The following IMMP2L variants were observed in gnomAD, a reference collection of about 807,000 sequenced individuals.
IMMP2L encodes the protein mitochondrial inner membrane protease subunit 2.
IMMP2L carries 18 observed loss-of-function variants against 19.3 expected under a neutral mutation model. That is an observed-to-expected ratio of 0.93 (90% CI 0.64 to 1.38). The LOEUF is 1.38. Among genes scored for constraint, IMMP2L ranks in the 40% most tolerant of loss-of-function variants. The pLI is 0.00. For synonymous variants in IMMP2L, 76 were observed against 73.0 expected (o/e 1.04, Z -0.21); for missense variants, 233 against 218.2 (o/e 1.07, Z -0.43).
chr7:111,415,449 T>C (rs529007296), intron 3 of IMMP2L, among the ~76,000 whole-genome samples: 3 of 151,974 alleles, frequency 2.0e-5, no homozygotes, highest in East Asian at 3.9e-4. Flanking sequence ...AATTAATTTA[T>C]ATTTTTACAA....
At chr7:110,971,971 G>A (rs1585520459) in intron 3 of IMMP2L, among the ~76,000 whole-genome samples, 1 of 152,042 alleles carries the variant, frequency 6.6e-6, no homozygotes, top group Middle Eastern at 3.2e-3. Context: ...TCACTCTCCT[G>A]GAGAATGCTG....
At chr7:110,713,309 T>C (rs1441711375) in intron 5 of IMMP2L, among the ~76,000 whole-genome samples, 2 of 152,224 alleles carry the variant, frequency 1.3e-5, no homozygotes, top group Non-Finnish European at 2.9e-5. Context: ...TTGGTTACTG[T>C]GGACTTACAT....
chr7:110,948,106 C>G (rs1817435665), intron 4 of IMMP2L, among the ~76,000 whole-genome samples: 1 of 152,160 alleles, frequency 6.6e-6, no homozygotes, highest in Admixed American at 6.6e-5. Flanking sequence ...ATTTCAAAAT[C>G]TGATTAGTTC....
intron 3 of IMMP2L, among the ~76,000 whole-genome samples, chr7:111,309,345 G>T (rs892500753): frequency 6.6e-6 from 1 of 152,052 alleles, no homozygotes; most frequent in Non-Finnish European, 1.5e-5. Context: ...AATTTTAAAT[G>T]TTATATGGCC....
intron 5 of IMMP2L, among the ~76,000 whole-genome samples, chr7:110,726,589 T>C (rs1795899190): frequency 6.6e-6 from 1 of 152,150 alleles, no homozygotes; most frequent in African/African-American, 2.4e-5. Context: ...GGGGAACTTA[T>C]TTGGAAAAAG....
intron 5 of IMMP2L, among the ~76,000 whole-genome samples, chr7:110,807,711 T>G (rs1208362701): frequency 5.3e-5 from 8 of 152,068 alleles, no homozygotes. Flanking sequence ...ATCTATCCTT[T>G]TAAATACAAC....
chr7:111,019,953 G>A (rs975225145), intron 3 of IMMP2L, among the ~76,000 whole-genome samples: 3 of 151,996 alleles, frequency 2.0e-5, no homozygotes, highest in Admixed American at 6.6e-5. Context: ...AAGCATTTCC[G>A]GATCACCAGA....
At chr7:110,805,122 T>A (rs1584884263) in intron 5 of IMMP2L, among the ~76,000 whole-genome samples, 1 of 152,080 alleles carries the variant, frequency 6.6e-6, no homozygotes, top group Non-Finnish European at 1.5e-5. Context: ...TCACACCAGT[T>A]TTAAAAGGTA....
chr7:110,981,384 G>A (rs1230306269), intron 3 of IMMP2L, among the ~76,000 whole-genome samples: 1 of 151,990 alleles, frequency 6.6e-6, no homozygotes. Flanking sequence ...CACAAATCTG[G>A]TCATGCCTTA....
chr7:111,513,097 A>G (rs1425595720), intron 2 of IMMP2L, among the ~76,000 whole-genome samples: 1 of 152,174 alleles, frequency 6.6e-6, no homozygotes, highest in Admixed American at 6.6e-5. Flanking sequence ...ACAAGCAACA[A>G]AGCAAAAATA....
chr7:111,429,406 T>C (rs62464570), intron 3 of IMMP2L, among the ~76,000 whole-genome samples: 1 of 151,922 alleles, frequency 6.6e-6, no homozygotes, highest in Non-Finnish European at 1.5e-5. Flanking sequence ...TGATGCCTCC[T>C]CTGGCTTGGC....
chr7:111,168,485 G>A (rs1227698867), intron 3 of IMMP2L, among the ~76,000 whole-genome samples: 1 of 151,874 alleles, frequency 6.6e-6, no homozygotes, highest in Non-Finnish European at 1.5e-5. Context: ...CATCATTAAT[G>A]AAGAAAGGTG....
At chr7:111,283,668 AG>A (rs1462622335) in intron 3 of IMMP2L, among the ~76,000 whole-genome samples, 4 of 152,146 alleles carry the variant, frequency 2.6e-5, no homozygotes, top group African/African-American at 7.2e-5. Flanking sequence ...ACATCATTAA[AG>A]TTGTAAAAAG....
chr7:110,720,301 A>G (rs949740637), intron 5 of IMMP2L, among the ~76,000 whole-genome samples: 1 of 152,228 alleles, frequency 6.6e-6, no homozygotes, highest in Admixed American at 6.5e-5. Context: ...GCTAAAGGAT[A>G]AAGAGTCAGA....
chr7:110,695,199 G>C (rs970740080), intron 5 of IMMP2L, among the ~76,000 whole-genome samples: 4 of 152,046 alleles, frequency 2.6e-5, no homozygotes, highest in African/African-American at 9.7e-5. Flanking sequence ...TTTATTGTTT[G>C]TCTGTTTATT....
At chr7:111,278,979 A>T (rs1819404719) in intron 3 of IMMP2L, among the ~76,000 whole-genome samples, 1 of 151,768 alleles carries the variant, frequency 6.6e-6, no homozygotes, top group Non-Finnish European at 1.5e-5. Context: ...GACATGAAAC[A>T]TGAAAAAAAA....
intron 5 of IMMP2L, among the ~76,000 whole-genome samples, chr7:110,815,814 C>T (rs557048565): frequency 2.0e-5 from 3 of 152,064 alleles, no homozygotes; most frequent in African/African-American, 7.2e-5. Context: ...GTGGTGATAT[C>T]CCCTTTATCA....
chr7:111,234,823 A>C (rs1261199739), intron 3 of IMMP2L, among the ~76,000 whole-genome samples: 1 of 152,144 alleles, frequency 6.6e-6, no homozygotes, highest in Non-Finnish European at 1.5e-5. Context: ...TAGTATAAGA[A>C]ATTTACATCA....
At chr7:110,998,988 T>G (rs1823339416) in intron 3 of IMMP2L, among the ~76,000 whole-genome samples, 1 of 152,144 alleles carries the variant, frequency 6.6e-6, no homozygotes, top group Admixed American at 6.6e-5. Context: ...AGTCTGTCAT[T>G]TTTTGGAGGT....
Sources: allele counts gnomAD v4.1 joint callset (sites outside exome capture counted in the v4.1 genomes callset), GRCh38; gene constraint gnomAD v4.1.1; transcripts MANE v1.5; gene names NCBI Gene and HGNC (gene_info 2026-07-23, HGNC 2026-07-21).